Variants in ERCC8 observed in about 807,000 individuals in gnomAD.
ERCC8 encodes DNA excision repair protein ERCC-8.
Under a neutral mutation model 54.9 loss-of-function variants are expected in ERCC8, and 52 were observed. The observed-to-expected ratio is 0.95, with a 90% CI of 0.76 to 1.19. The LOEUF is 1.19. Among genes scored for constraint, ERCC8 ranks in the 50% most tolerant of loss-of-function variants. The probability of loss-of-function intolerance (pLI) is 0.00; values close to 1 mark genes in which losing one functional copy is unlikely to be tolerated. For synonymous variants in ERCC8, 146 were observed against 157.2 expected, an observed-to-expected ratio of 0.93 and a Z score of 0.53; for missense variants, 514 against 466.1, an observed-to-expected ratio of 1.10 and a Z score of -0.95.
At chr5:60,939,274 A>T (rs928548883) in intron 1 of ERCC8, among the ~76,000 whole-genome samples, 9 of 152,184 alleles carry the variant, frequency 5.9e-5, no homozygotes, top group African/African-American at 2.2e-4. Flanking sequence ...TTAATCATAC[A>T]CATACTGCAA....
rs1387539705 is a variant in ERCC8 at position 60,874,493 on chromosome 5, G to A, written c.*122C>T. 6.2e-6 allele frequency: 5 copies of A among 802,652 alleles called. No homozygotes were observed. The highest frequency in any genetic ancestry group is 5.3e-5 in the African/African-American group (3 of 56,992). 49.7% of individuals were successfully genotyped at this position (802,652 alleles called of 1,614,324 possible). A position where few individuals can be genotyped will look rare whatever the true frequency, so the allele number is the denominator to read the frequency against. ...AAATATTAACCTCATTTTAAAACAT[G>A]AGGAAAAATATTACCCACATTTAGG... On this transcript the variant is annotated 3_prime_UTR_variant, in exon 12 of 12. Transcript: ENST00000676185.
At chr5:60,902,176 G>A (rs1748921702) in intron 7 of ERCC8, among the ~76,000 whole-genome samples, 1 of 152,046 alleles carries the variant, frequency 6.6e-6, no homozygotes, top group African/African-American at 2.4e-5. Context: ...AATTAGCACT[G>A]TGTTATACAT....
chr5:60,912,628 G>A, intron 4 of ERCC8, among the ~76,000 whole-genome samples: 1 of 152,088 alleles, frequency 6.6e-6, no homozygotes, highest in Non-Finnish European at 1.5e-5. Flanking sequence ...CCAACGCTAT[G>A]TTAAATAGGA....
At chr5:60,934,884 C>T (rs1311112326) in intron 1 of ERCC8, among the ~76,000 whole-genome samples, 1 of 152,138 alleles carries the variant, frequency 6.6e-6, no homozygotes, top group African/African-American at 2.4e-5. Flanking sequence ...AAGTATTTGG[C>T]TCTACTTGTG....
intron 1 of ERCC8, among the ~76,000 whole-genome samples, chr5:60,933,349 G>T (rs1488904459): frequency 1.3e-5 from 2 of 150,304 alleles, no homozygotes; most frequent in Admixed American, 1.3e-4. Context: ...CACCTGAGTA[G>T]CTGGGATTAT....
intron 6 of ERCC8, chr5:60,903,384 T>C (rs1748957158): frequency 7.1e-6 from 3 of 421,998 alleles, no homozygotes; most frequent in Non-Finnish European, 1.3e-5. Context: ...CTTTTTAATG[T>C]AGAAATAACA....
intron 1 of ERCC8, among the ~76,000 whole-genome samples, chr5:60,944,537 A>T (rs184594541): frequency 1.6e-4 from 25 of 152,306 alleles, no homozygotes; most frequent in Non-Finnish European, 3.2e-4. Context: ...CTCTGCCTTT[A>T]ATAGGCTGCC....
intron 2 of ERCC8, among the ~76,000 whole-genome samples, chr5:60,927,444 C>T (rs982452306): frequency 3.9e-5 from 6 of 152,156 alleles, no homozygotes; most frequent in Admixed American, 1.3e-4. Flanking sequence ...TGCAATAAAG[C>T]GGAAAATCAC....
chr5:60,925,892 C>T (rs983083696), intron 2 of ERCC8, among the ~76,000 whole-genome samples: 2 of 152,108 alleles, frequency 1.3e-5, no homozygotes, highest in African/African-American at 4.8e-5. Flanking sequence ...GGCATGATCT[C>T]GGCTCACTGC....
intron 9 of ERCC8, 113 bp from the exon 10 acceptor site, chr5:60,891,199 T>G: frequency 4.2e-6 from 3 of 717,204 alleles, no homozygotes. Flanking sequence ...CTTTTAAATT[T>G]AAGGAAAATA....
chr5:60,928,260 G>A (rs1749809216), intron 2 of ERCC8, among the ~76,000 whole-genome samples: 3 of 152,192 alleles, frequency 2.0e-5, no homozygotes, highest in African/African-American at 7.2e-5. Context: ...AAAAGTATAT[G>A]TAATACTGCT....
chr5:60,891,662 C>CTT (rs35789098), intron 9 of ERCC8, among the ~76,000 whole-genome samples: 17 of 143,662 alleles, frequency 1.2e-4, no homozygotes, highest in African/African-American at 1.5e-4. Flanking sequence ...GGGGCATATT[C>CTT]TTTTTTTTTT....
chr5:60,935,560 CT>C (rs1376489498), intron 1 of ERCC8, among the ~76,000 whole-genome samples: 1 of 152,186 alleles, frequency 6.6e-6, no homozygotes, highest in Non-Finnish European at 1.5e-5. Flanking sequence ...CTGGCTGGGA[CT>C]TCCAGCACTA....
Position 60,870,342 on chromosome 5 carries a change from T to C in ERCC8, c.*4273A>G, listed in dbSNP as rs1214121836. Among the ~76,000 whole-genome samples, 1 of 150,966 alleles carries C rather than the reference T, an allele frequency of 6.6e-6. No homozygotes were observed. The highest frequency in any genetic ancestry group is 1.5e-5 in the Non-Finnish European group (1 of 67,750). On this transcript the variant is annotated 3_prime_UTR_variant, in exon 12 of 12. Coordinates refer to ENST00000676185, the MANE Select transcript of ERCC8 (RefSeq NM_000082.4). ...AAGGAGAAACGAAAAGATAAGACAA[T>C]GAAAGAGAAGTCGAAGTCAGGCCCG... is the stretch of plus-strand genomic sequence containing the variant.
intron 1 of ERCC8, among the ~76,000 whole-genome samples, chr5:60,944,688 C>T (rs1354635967): frequency 1.3e-5 from 2 of 151,614 alleles, no homozygotes; most frequent in Non-Finnish European, 2.9e-5. Flanking sequence ...AGTGTCTTCA[C>T]CTGAGCCCGC....
In ERCC8 at chr5:60,902,686, G is replaced by A. The variant is rs4647104; in HGVS notation, c.551-178C>T. Among the ~76,000 whole-genome samples, 3,649 of 152,026 alleles carry A rather than the reference G, an allele frequency of 0.024. 61 individuals carry two copies. The highest frequency in any genetic ancestry group is 0.037 in the Non-Finnish European group (2,533 of 67,866). On this transcript the variant is annotated intron_variant, in intron 6 of 11. Transcript: ENST00000676185. ...CAATGCTAATGTGAAGTTTACAGGG[G>A]TATTTCAAACATATGGTATTTTATT...
chr5:60,903,776 A>C (rs925872848), intron 5 of ERCC8, 60 bp from the exon 6 acceptor site: 5 of 1,508,882 alleles, frequency 3.3e-6, no homozygotes, highest in Non-Finnish European at 4.6e-6. Context: ...AAAGGAAACA[A>C]GACATTATCA....
At chr5:60,903,870 A>G (rs1004211155) in intron 5 of ERCC8, among the ~76,000 whole-genome samples, 154 bp from the exon 6 acceptor site, 1 of 152,104 alleles carries the variant, frequency 6.6e-6, no homozygotes, top group African/African-American at 2.4e-5. Flanking sequence ...TAATGTTTAC[A>G]TTTAGAAAAG....
At chr5:60,886,394 C>T (rs142734684) in intron 11 of ERCC8, among the ~76,000 whole-genome samples, 9 of 152,142 alleles carry the variant, frequency 5.9e-5, no homozygotes, top group Admixed American at 4.6e-4. Context: ...TAAAATTTGA[C>T]GTGAGAACAA....
Sources: allele counts gnomAD v4.1 joint callset (sites outside exome capture counted in the v4.1 genomes callset), GRCh38; gene constraint gnomAD v4.1.1; transcripts MANE v1.5; gene names NCBI Gene and HGNC (gene_info 2026-07-23, HGNC 2026-07-21).